The following DCAKD variants were observed in gnomAD, a reference collection of about 807,000 sequenced individuals.
DCAKD encodes dephospho-CoA kinase domain containing, also known as dephospho-CoA kinase domain-containing protein.
Under a neutral mutation model 18.7 loss-of-function variants are expected in DCAKD, and 15 were observed. The observed-to-expected ratio is 0.80, with a 90% confidence interval of 0.54 to 1.24. DCAKD has a LOEUF of 1.24. Ranked by LOEUF, DCAKD falls within the 50% of genes most tolerant of loss-of-function variation. The probability of loss-of-function intolerance (pLI) is 0.00; values close to 1 mark genes in which losing one functional copy is unlikely to be tolerated. For synonymous variants in DCAKD, 130 were observed against 133.0 expected (o/e 0.98, Z 0.16); for missense variants, 301 against 322.0 (o/e 0.93, Z 0.50).
At chr17:45,057,977 C>T (rs2143420439) in intron 1 of DCAKD, among the ~76,000 whole-genome samples, 1 of 142,924 alleles carries the variant, frequency 7.0e-6, no homozygotes, top group African/African-American at 2.7e-5. Context: ...TGCCACTGCA[C>T]TCCAACTTGG....
intron 4 of DCAKD, among the ~76,000 whole-genome samples, chr17:45,027,776 A>G (rs992042404): frequency 2.0e-5 from 3 of 152,152 alleles, no homozygotes; most frequent in Admixed American, 6.5e-5. Flanking sequence ...TCACAAGGTC[A>G]GGAGTTCAAG....
chr17:45,030,602 T>C (rs2053155364), intron 3 of DCAKD, among the ~76,000 whole-genome samples: 2 of 152,156 alleles, frequency 1.3e-5, no homozygotes, highest in South Asian at 4.1e-4. Flanking sequence ...ACCTTGATCT[T>C]AAATCTCAAG....
chr17:45,058,134 G>A, intron 1 of DCAKD, among the ~76,000 whole-genome samples: 1 of 151,646 alleles, frequency 6.6e-6, no homozygotes, highest in Non-Finnish European at 1.5e-5. Flanking sequence ...GGCCAACGTG[G>A]TGAAACCCCA....
chr17:45,054,346 C>T (rs918315101), upstream of DCAKD, among the ~76,000 whole-genome samples: 5 of 151,974 alleles, frequency 3.3e-5, no homozygotes, highest in South Asian at 1.0e-3. Context: ...CTCCCGGGTT[C>T]AAGTGATTCT....
chr17:45,031,236 G>T (rs2053165715), intron 3 of DCAKD: 9 of 984,662 alleles, frequency 9.1e-6, no homozygotes, highest in African/African-American at 1.8e-5. Context: ...CAATGGCGGT[G>T]GGGGGGTGGC....
At chr17:45,029,337 C>T (rs893953353) in intron 4 of DCAKD, among the ~76,000 whole-genome samples, 2 of 152,236 alleles carry the variant, frequency 1.3e-5, no homozygotes, top group African/African-American at 4.8e-5. Context: ...CTGGGAGCCT[C>T]CAATGCCTTA....
intron 1 of DCAKD, among the ~76,000 whole-genome samples, chr17:45,037,150 A>G (rs751559322): frequency 6.6e-6 from 1 of 152,140 alleles, no homozygotes; most frequent in Non-Finnish European, 1.5e-5. Flanking sequence ...GGAGAGACCT[A>G]GCTACATTAA....
At chr17:45,047,317 C>T (rs1277190680) in intron 1 of DCAKD, among the ~76,000 whole-genome samples, 1 of 151,884 alleles carries the variant, frequency 6.6e-6, no homozygotes, top group Non-Finnish European at 1.5e-5. Context: ...AGTCTTACTC[C>T]ATTGTCTAGG....
chr17:45,024,636 G>A lies in DCAKD; in HGVS notation c.493C>T (p.Leu165=), dbSNP rs746716826. Reference sequence around the variant, plus strand: ...CGGGCCATGCGGGCCTTGTCTGTCAGGGGCAGCTGGGCATTGATGCGGGCC... The same window carrying A: ...CGGGCCATGCGGGCCTTGTCTGTCAAGGGCAGCTGGGCATTGATGCGGGCC... ...AEARINAQLP[L]TDKARMARHV... Residue 165 remains leucine, a synonymous_variant, in exon 5 of 5, where the codon CTG becomes TTG. Coordinates refer to ENST00000651974, the MANE Select transcript of DCAKD (RefSeq NM_001288655.2). The A allele has an allele frequency of 1.2e-6, 2 of 1,613,354 alleles. No individual in the cohort carries two copies.
At chr17:45,061,094 CA>C in exon 1 of DCAKD, 1 of 1,312,388 alleles carries the variant, frequency 7.6e-7, no homozygotes, top group Non-Finnish European at 9.7e-7. Context: ...CTTCTTTCCT[CA>C]AAGCGTGGCC....
chr17:45,044,385 A>T (rs2053514870), intron 1 of DCAKD, among the ~76,000 whole-genome samples: 2 of 152,154 alleles, frequency 1.3e-5, no homozygotes, highest in African/African-American at 4.8e-5. Flanking sequence ...AACTGGCTGG[A>T]ATCACCTTAA....
chr17:45,026,778 A>G, intron 4 of DCAKD: 1 of 985,422 alleles, frequency 1.0e-6, no homozygotes, highest in East Asian at 1.1e-4. Context: ...CTCGCTGAGA[A>G]CAAGGACTAA....
At position 45,030,655 on chromosome 17, in the gene DCAKD, C is replaced by G. The variant is rs533245391; in HGVS notation, c.317-476G>C. Among the ~76,000 whole-genome samples, 133 of 152,316 alleles carry G rather than the reference C, an allele frequency of 8.7e-4. 2 individuals are homozygous for G. Among genetic ancestry groups the G allele is most frequent in the African/African-American group, 3.1e-3 (129 of 41,566 alleles). On this transcript the variant is annotated intron_variant, in intron 3 of 4. Coordinates refer to ENST00000651974, the MANE Select transcript of DCAKD (RefSeq NM_001288655.2). ...CAAACAAACAAACAAACAAAACACC[C>G]AAAAGATAGGTTCTCCCCAAAGAGC...
At position 45,031,695 on chromosome 17, in the gene DCAKD, C is replaced by T. The variant is rs147441106; in HGVS notation, c.317-1516G>A. 4.8e-4 allele frequency: 475 copies of T among 985,382 alleles called. 1 individual carries two copies. In the African/African-American group the frequency reaches 7.7e-3, roughly 16 times the overall value. The allele number at this position is 985,382 out of a possible 1,614,324, so 61.0% of individuals were successfully genotyped here. A position where few individuals can be genotyped will look rare whatever the true frequency, so the allele number is the denominator to read the frequency against. On this transcript the variant is annotated intron_variant, in intron 3 of 4. Coordinates refer to ENST00000651974, the MANE Select transcript of DCAKD (RefSeq NM_001288655.2). ...CCCCTTGCTGTCCTTTCTCCGGCCC[C>T]TCTGGGGAGTACGTGGTCAGCTATT... is the stretch of plus-strand genomic sequence containing the variant.
intron 1 of DCAKD, among the ~76,000 whole-genome samples, chr17:45,042,980 C>T (rs994751447): frequency 6.6e-6 from 1 of 152,186 alleles, no homozygotes; most frequent in Non-Finnish European, 1.5e-5. Context: ...AGCAGGGAGG[C>T]TGTTTGGACT....
chr17:45,061,076 T>C, exon 1 of DCAKD: 1 of 1,281,882 alleles, frequency 7.8e-7, no homozygotes, highest in Non-Finnish European at 9.9e-7. Context: ...CCCACCAACC[T>C]TGCGCCCCTT....
chr17:45,055,843 C>T (rs1252008701), upstream of DCAKD, among the ~76,000 whole-genome samples: 1 of 152,102 alleles, frequency 6.6e-6, no homozygotes. Flanking sequence ...CTCATGGCTT[C>T]GTAGGTCCAC....
intron 2 of DCAKD, 92 bp downstream of exon 2, chr17:45,034,682 C>T (rs2053249344): frequency 1.5e-6 from 2 of 1,374,958 alleles, no homozygotes; most frequent in Non-Finnish European, 2.0e-6. Flanking sequence ...CCTTCCCCTC[C>T]TCTGAGACTT....
intron 3 of DCAKD, chr17:45,031,834 A>C: frequency 2.0e-6 from 2 of 985,454 alleles, no homozygotes; most frequent in Non-Finnish European, 2.4e-6. Flanking sequence ...AGTCCCCAAC[A>C]GCTGGTGATC....
Sources: allele counts gnomAD v4.1 joint callset (sites outside exome capture counted in the v4.1 genomes callset), GRCh38; gene constraint gnomAD v4.1.1; transcripts MANE v1.5; gene names NCBI Gene and HGNC (gene_info 2026-07-23, HGNC 2026-07-21).